The following RAPGEF5 variants were observed in gnomAD, a reference collection of about 807,000 sequenced individuals.
RAPGEF5 encodes the protein M-Ras-regulated GEF.
A neutral mutation model predicts 125.2 loss-of-function variants in RAPGEF5; 65 were observed. The ratio of observed to expected loss-of-function variants is 0.52; its 90% confidence interval spans 0.43 to 0.64. The LOEUF is 0.64. RAPGEF5 is among the 30% of genes least tolerant of loss of function. The probability of loss-of-function intolerance (pLI) is 0.00; values close to 1 mark genes in which losing one functional copy is unlikely to be tolerated. For synonymous variants in RAPGEF5, 391 were observed against 385.9 expected (o/e 1.01, Z -0.16); for missense variants, 958 against 1,048.1 (o/e 0.91, Z 1.19).
chr7:22,180,116 T>A (rs1463147299), intron 11 of RAPGEF5, among the ~76,000 whole-genome samples: 1 of 152,184 alleles, frequency 6.6e-6, no homozygotes, highest in Non-Finnish European at 1.5e-5. Context: ...TTGACAATTA[T>A]ACAATGCGTT....
intron 5 of RAPGEF5, among the ~76,000 whole-genome samples, chr7:22,292,427 T>G (rs1782955883): frequency 6.6e-6 from 1 of 152,226 alleles, no homozygotes; most frequent in African/African-American, 2.4e-5. Flanking sequence ...AGTGCTGATG[T>G]TGTCAAATAA....
At chr7:22,154,402 CT>C (rs1026797030) in intron 17 of RAPGEF5, 52 bp downstream of exon 17, 28 of 1,592,188 alleles carry the variant, frequency 1.8e-5, no homozygotes, top group Non-Finnish European at 2.3e-5. Flanking sequence ...CACCTCCCTC[CT>C]TTTGAAGGAG....
At chr7:22,227,219 T>TA (rs527972045) in intron 8 of RAPGEF5, among the ~76,000 whole-genome samples, 121 of 146,264 alleles carry the variant, frequency 8.3e-4, no homozygotes, top group South Asian at 4.5e-3. Context: ...GTAGCAAAGT[T>TA]AAAAAAAAAA....
chr7:22,169,749 A>G (rs950222605), intron 11 of RAPGEF5, among the ~76,000 whole-genome samples: 1 of 147,026 alleles, frequency 6.8e-6, no homozygotes, highest in African/African-American at 2.5e-5. Context: ...AATCCCAGCT[A>G]CTCAGGAGGC....
intron 6 of RAPGEF5, among the ~76,000 whole-genome samples, chr7:22,281,032 G>A (rs1782662414): frequency 6.6e-6 from 1 of 152,046 alleles, no homozygotes. Flanking sequence ...CTTAGGATTG[G>A]GAGAGAGAGC....
intron 7 of RAPGEF5, among the ~76,000 whole-genome samples, chr7:22,235,836 A>G (rs1337837992): frequency 6.6e-6 from 1 of 152,152 alleles, no homozygotes; most frequent in Non-Finnish European, 1.5e-5. Flanking sequence ...TAGACACTAT[A>G]CTCATTTTTG....
intron 9 of RAPGEF5, among the ~76,000 whole-genome samples, chr7:22,200,753 T>TC (rs1266544029): frequency 3.3e-5 from 5 of 152,074 alleles, no homozygotes; most frequent in African/African-American, 9.7e-5. Flanking sequence ...TCTAAGAATA[T>TC]CATCATACAA....
At chr7:22,157,753 G>A in intron 15 of RAPGEF5, 102 bp downstream of exon 15, 1 of 1,313,046 alleles carries the variant, frequency 7.6e-7, no homozygotes, top group Non-Finnish European at 1.1e-6. Flanking sequence ...GTCGTGTTCT[G>A]CTCGAGGCAG....
intron 21 of RAPGEF5, among the ~76,000 whole-genome samples, chr7:22,138,497 T>TTA (rs756656916): frequency 1.0e-4 from 15 of 145,428 alleles, no homozygotes; most frequent in Non-Finnish European, 2.0e-4. Flanking sequence ...ATTCATCCAG[T>TTA]CACCAGACCT....
chr7:22,218,431 T>G (rs1298478371), intron 9 of RAPGEF5, among the ~76,000 whole-genome samples: 1 of 152,134 alleles, frequency 6.6e-6, no homozygotes, highest in South Asian at 2.1e-4. Context: ...TTGCAATCAG[T>G]TGTAAGATAC....
chr7:22,230,314 G>A (rs1050663767), intron 8 of RAPGEF5, among the ~76,000 whole-genome samples: 4 of 152,186 alleles, frequency 2.6e-5, no homozygotes, highest in Non-Finnish European at 5.9e-5. Flanking sequence ...CTTCTGACCA[G>A]AATCAACAGA....
intron 9 of RAPGEF5, among the ~76,000 whole-genome samples, chr7:22,212,663 G>A (rs1357086392): frequency 6.6e-6 from 1 of 152,056 alleles, no homozygotes; most frequent in African/African-American, 2.4e-5. Flanking sequence ...TAAACTTTTT[G>A]TCTTAAAACA....
chr7:22,148,458 TAAG>T (rs1243764740), intron 18 of RAPGEF5, among the ~76,000 whole-genome samples: 3 of 152,254 alleles, frequency 2.0e-5, no homozygotes, highest in Non-Finnish European at 2.9e-5. Context: ...TCCTGTTTTC[TAAG>T]AAGATTAATC....
chr7:22,237,171 A>G (rs1163466187), intron 7 of RAPGEF5, among the ~76,000 whole-genome samples: 1 of 152,192 alleles, frequency 6.6e-6, no homozygotes, highest in Admixed American at 6.5e-5. Context: ...CCCTGACAAA[A>G]TGAAGAGTGC....
chr7:22,209,864 T>C (rs1201379776), intron 9 of RAPGEF5, among the ~76,000 whole-genome samples: 1 of 152,354 alleles, frequency 6.6e-6, no homozygotes, highest in South Asian at 2.1e-4. Flanking sequence ...AATTACACTT[T>C]TTGTTAACAA....
intron 1 of RAPGEF5, among the ~76,000 whole-genome samples, chr7:22,341,843 CT>C (rs1784135015): frequency 6.6e-6 from 1 of 152,240 alleles, no homozygotes; most frequent in African/African-American, 2.4e-5. Context: ...CTCCAGGCTG[CT>C]TTCACAGGCT....
At chr7:22,262,806 T>C (rs1782188630) in intron 7 of RAPGEF5, among the ~76,000 whole-genome samples, 1 of 152,042 alleles carries the variant, frequency 6.6e-6, no homozygotes, top group Non-Finnish European at 1.5e-5. Context: ...CTACAAAAAA[T>C]AAACAAAATT....
Position 22,294,302 on chromosome 7 carries a change from A to G in RAPGEF5, c.681-3061T>C, listed in dbSNP as rs116837047. Among the ~76,000 whole-genome samples, 1,440 of 152,302 alleles carry G rather than the reference A, an allele frequency of 9.5e-3. 37 individuals carry two copies. The highest frequency in any genetic ancestry group is 0.033 in the African/African-American group (1,362 of 41,564). ...GATCCCTCCCTGAGGGTTTATGCCA[A>G]CAGATGCTCTCCTTTAGGAATTCCC... On this transcript the variant is annotated intron_variant, in intron 5 of 25. Transcript: ENST00000665637.
intron 7 of RAPGEF5, among the ~76,000 whole-genome samples, chr7:22,243,942 A>G (rs937401906): frequency 6.6e-6 from 1 of 152,096 alleles, no homozygotes; most frequent in Non-Finnish European, 1.5e-5. Context: ...TCCTACTGCT[A>G]CCCGCCAAGC....
Sources: gnomAD v4.1 joint callset for allele counts (sites outside exome capture counted in the v4.1 genomes callset) on GRCh38, gnomAD v4.1.1 for gene constraint, MANE v1.5 for transcripts, NCBI Gene and HGNC (gene_info 2026-07-23, HGNC 2026-07-21) for gene names.